The following LYPLAL1 variants were observed in gnomAD, a reference collection of about 807,000 sequenced individuals.
LYPLAL1 encodes the protein lysophospholipase-like protein 1.
In LYPLAL1, 23 loss-of-function variants were observed where a neutral mutation model predicts 19.7. That is an observed-to-expected ratio of 1.17 (90% CI 0.84 to 1.65). LYPLAL1 has a LOEUF of 1.65. Among genes scored for constraint, LYPLAL1 ranks in the 40% most tolerant of loss-of-function variants. LYPLAL1 has a pLI of 0.00. For missense variants in LYPLAL1, 355 were observed against 279.4 expected (o/e 1.27, Z -1.93); for synonymous variants, 119 against 96.3 (o/e 1.24, Z -1.38).
chr1:219,355,507 CA>C, the LYPLAL1 span, among the ~76,000 whole-genome samples: 5 of 151,270 alleles, frequency 3.3e-5, no homozygotes, highest in South Asian at 2.1e-4. Context: ...CATTCTGTAT[CA>C]AAAAAAACAA....
In LYPLAL1 at chr1:219,173,921, C is replaced by A; in HGVS notation, c.31C>A (p.Arg11Ser). MAAASGSVLQ[R>S]CIVSPAGRHS... ...GGCTGCGTCGGGGTCGGTTCTGCAG[C>A]GCTGTATCGTGTCGCCGGCAGGGAG... The change falls in exon 1 of 5, where the codon CGC (arginine) becomes AGC (serine). Residue 11 changes from arginine to serine, a missense_variant. Physicochemically the swap from Arg to Ser is moderately radical, Grantham distance 110 (BLOSUM62 -1). Transcript: ENST00000366928. 1 of 1,613,756 alleles carries A rather than the reference C, an allele frequency of 6.2e-7. No individual in the cohort carries two copies. The highest frequency in any genetic ancestry group is 2.2e-5 in the East Asian group (1 of 44,870).
At chr1:219,342,417 G>A in the LYPLAL1 span, among the ~76,000 whole-genome samples, 2 of 151,980 alleles carry the variant, frequency 1.3e-5, no homozygotes. Context: ...CTACATTTGC[G>A]GGCCCTTTTT....
chr1:219,299,445 T>G, the LYPLAL1 span, among the ~76,000 whole-genome samples: 2 of 152,294 alleles, frequency 1.3e-5, no homozygotes, highest in South Asian at 4.1e-4. Context: ...TCTGTGTTTT[T>G]TTGGAAGAGG....
chr1:219,291,669 A>G, the LYPLAL1 span, among the ~76,000 whole-genome samples: 46 of 151,854 alleles, frequency 3.0e-4, no homozygotes, highest in Middle Eastern at 6.8e-3. Flanking sequence ...TTCTCCCCCA[A>G]CCTCTTAGCT....
the LYPLAL1 span, among the ~76,000 whole-genome samples, chr1:219,381,723 T>A: frequency 6.6e-6 from 1 of 152,228 alleles, no homozygotes; most frequent in Non-Finnish European, 1.5e-5. Flanking sequence ...CTGAAATTAA[T>A]ATTATGCATC....
the LYPLAL1 span, among the ~76,000 whole-genome samples, chr1:219,346,495 T>C: frequency 6.9e-6 from 1 of 144,984 alleles, no homozygotes; most frequent in South Asian, 2.2e-4. Context: ...GCCATAAACA[T>C]CAGTTCTATG....
intron 2 of LYPLAL1, among the ~76,000 whole-genome samples, chr1:219,182,330 A>C (rs1450394174): frequency 6.6e-6 from 1 of 152,144 alleles, no homozygotes; most frequent in Non-Finnish European, 1.5e-5. Flanking sequence ...TGTTCCTAAC[A>C]CATTACCCTG....
At chr1:219,359,572 G>A in the LYPLAL1 span, among the ~76,000 whole-genome samples, 2 of 152,032 alleles carry the variant, frequency 1.3e-5, no homozygotes, top group Admixed American at 6.6e-5. Context: ...ATACTTGAAG[G>A]TCATTTGCTA....
At chr1:219,402,621 A>G in the LYPLAL1 span, among the ~76,000 whole-genome samples, 1 of 150,776 alleles carries the variant, frequency 6.6e-6, no homozygotes, top group Admixed American at 6.7e-5. Context: ...AAATACCACT[A>G]AAGGAAAACC....
At chr1:219,184,131 G>C (rs1558223258) in intron 2 of LYPLAL1, among the ~76,000 whole-genome samples, 1 of 151,870 alleles carries the variant, frequency 6.6e-6, no homozygotes, top group African/African-American at 2.4e-5. Context: ...ATGGAATCTA[G>C]TTTGATTTAG....
At chr1:219,298,409 A>G in the LYPLAL1 span, among the ~76,000 whole-genome samples, 1 of 152,240 alleles carries the variant, frequency 6.6e-6, no homozygotes, top group Admixed American at 6.5e-5. Flanking sequence ...GCATATGAAA[A>G]CACGACCACT....
chr1:219,207,797 C>A (rs1658690296), intron 3 of LYPLAL1, among the ~76,000 whole-genome samples: 1 of 151,928 alleles, frequency 6.6e-6, no homozygotes, highest in South Asian at 2.1e-4. Flanking sequence ...TTAATAAATT[C>A]TATTAAGGAA....
chr1:219,352,619 A>G, the LYPLAL1 span, among the ~76,000 whole-genome samples: 1 of 152,218 alleles, frequency 6.6e-6, no homozygotes, highest in Non-Finnish European at 1.5e-5. Context: ...CGTTCAGTAA[A>G]GGTTACCATT....
the LYPLAL1 span, among the ~76,000 whole-genome samples, chr1:219,440,189 C>A: frequency 6.6e-6 from 1 of 150,868 alleles, no homozygotes; most frequent in African/African-American, 2.4e-5. Flanking sequence ...TTTCAGCCTA[C>A]AAAAAGAAAA....
chr1:219,390,205 G>A, the LYPLAL1 span, among the ~76,000 whole-genome samples: 1 of 152,106 alleles, frequency 6.6e-6, no homozygotes, highest in Non-Finnish European at 1.5e-5. Flanking sequence ...TCCAAATATG[G>A]CGCTTTGACA....
the LYPLAL1 span, among the ~76,000 whole-genome samples, chr1:219,347,464 T>C: frequency 2.0e-5 from 3 of 152,200 alleles, no homozygotes; most frequent in Non-Finnish European, 4.4e-5. Flanking sequence ...AGAAGGATTC[T>C]TGATGCCTCC....
the LYPLAL1 span, among the ~76,000 whole-genome samples, chr1:219,330,230 A>G: frequency 6.6e-6 from 1 of 152,222 alleles, no homozygotes. Context: ...TAAGCCACAG[A>G]AAATTAATTT....
chr1:219,314,668 G>A, the LYPLAL1 span, among the ~76,000 whole-genome samples: 12 of 152,220 alleles, frequency 7.9e-5, no homozygotes, highest in South Asian at 4.1e-4. Flanking sequence ...TCCTGACTTC[G>A]TGATCCACCC....
the LYPLAL1 span, among the ~76,000 whole-genome samples, chr1:219,364,030 G>A: frequency 6.6e-6 from 1 of 152,154 alleles, no homozygotes; most frequent in Non-Finnish European, 1.5e-5. Context: ...AAAGAAAGAA[G>A]CAGAGATAAT....
Sources: gnomAD v4.1 joint callset for allele counts (sites outside exome capture counted in the v4.1 genomes callset) on GRCh38, gnomAD v4.1.1 for gene constraint, MANE v1.5 for transcripts, NCBI Gene and HGNC (gene_info 2026-07-23, HGNC 2026-07-21) for gene names.